DAPK1: variants seen among roughly 807,000 people sequenced by gnomAD.
The protein encoded by DAPK1 is death associated protein kinase 1.
Under a neutral mutation model 144.9 loss-of-function variants are expected in DAPK1, and 56 were observed. The observed-to-expected ratio is 0.39, with a 90% confidence interval of 0.31 to 0.48. The LOEUF is 0.48. DAPK1 is among the 20% of genes least tolerant of loss of function. The probability of loss-of-function intolerance (pLI) is 0.95; values close to 1 mark genes in which losing one functional copy is unlikely to be tolerated. For missense variants in DAPK1, 1,454 were observed against 1,875.4 expected, an observed-to-expected ratio of 0.78 and a Z score of 4.15; for synonymous variants, 690 against 749.0, an observed-to-expected ratio of 0.92 and a Z score of 1.29.
In DAPK1 at chr9:87,600,600, GA is replaced by G. The variant is rs536705692; in HGVS notation, c.63-4344del. Among the ~76,000 whole-genome samples, 587 of 147,842 alleles carry G rather than the reference GA, an allele frequency of 4.0e-3. 1 individual carries two copies. Among genetic ancestry groups the G allele is most frequent in the Non-Finnish European group, 6.0e-3 (399 of 66,660 alleles). ...AGAGCGAGACCCTGTCTCAAGAAAAGAAAAAAAAAATTACTAAGTAGGTGAA... is the reference window on the plus strand; with the variant it reads ...AGAGCGAGACCCTGTCTCAAGAAAAGAAAAAAAAATTACTAAGTAGGTGAA... On this transcript the variant is annotated intron_variant, in intron 2 of 25. Coordinates refer to ENST00000408954, the MANE Select transcript of DAPK1 (RefSeq NM_004938.4).
chr9:87,695,172 AC>A (rs2118005408), intron 21 of DAPK1, among the ~76,000 whole-genome samples: 1 of 152,168 alleles, frequency 6.6e-6, no homozygotes, highest in African/African-American at 2.4e-5. Context: ...CCACCTCAGG[AC>A]CCCACACTCC....
At chr9:87,643,244 C>T in intron 10 of DAPK1, 132 bp from the exon 11 acceptor site, 1 of 590,592 alleles carries the variant, frequency 1.7e-6, no homozygotes. Context: ...GTGCTGATAG[C>T]AATGAACACG....
intron 2 of DAPK1, among the ~76,000 whole-genome samples, chr9:87,569,715 G>A (rs1281213214): frequency 6.6e-6 from 1 of 151,992 alleles, no homozygotes; most frequent in Non-Finnish European, 1.5e-5. Context: ...GTTAAACCCA[G>A]GCTTTCCCTA....
At chr9:87,537,350 G>T (rs1018268793) in intron 2 of DAPK1, among the ~76,000 whole-genome samples, 3 of 152,152 alleles carry the variant, frequency 2.0e-5, no homozygotes, top group Non-Finnish European at 4.4e-5. Flanking sequence ...ATCACATAGT[G>T]TGTACGCAGT....
chr9:87,707,319 C>T lies in DAPK1; in HGVS notation c.4248C>T (p.Asn1416=). The T allele has an allele frequency of 6.2e-7, 1 of 1,612,336 alleles. No individual in the cohort carries two copies. Among genetic ancestry groups the T allele is most frequent in the Non-Finnish European group, 8.5e-7 (1 of 1,178,808 alleles). The stretch of plus-strand genomic sequence containing the variant: ...AGGAGGCCTATGCCTCGAGCTGCAA[C>T]AGCGGCACCTCTTACAATTCCATTA... The part of the protein sequence containing the change: ...NGQEAYASSC[N]SGTSYNSISS... Residue 1416 remains asparagine, a synonymous_variant, in exon 26 of 26, where the codon AAC becomes AAT. Coordinates refer to ENST00000408954, the MANE Select transcript of DAPK1 (RefSeq NM_004938.4). This position sits in a 1 kb window ranked among gnomAD's most constrained non-coding sequence, Gnocchi z 4.0.
intron 2 of DAPK1, among the ~76,000 whole-genome samples, chr9:87,551,132 A>G (rs766213889): frequency 6.7e-5 from 10 of 150,056 alleles, no homozygotes; most frequent in Non-Finnish European, 1.2e-4. Context: ...GGGCAACATC[A>G]TCACATCTAT....
intron 2 of DAPK1, among the ~76,000 whole-genome samples, chr9:87,574,464 G>A (rs1001990018): frequency 3.3e-5 from 5 of 152,324 alleles, no homozygotes; most frequent in Middle Eastern, 3.4e-3. Flanking sequence ...TATATCACAG[G>A]AAGTTTGCAG....
chr9:87,569,487 C>T (rs1228225881), intron 2 of DAPK1, among the ~76,000 whole-genome samples: 1 of 152,188 alleles, frequency 6.6e-6, no homozygotes, highest in Admixed American at 6.5e-5. Flanking sequence ...GCAATTAATA[C>T]ATATAAATAC....
chr9:87,533,501 A>G (rs571695555), intron 2 of DAPK1, among the ~76,000 whole-genome samples: 3 of 152,340 alleles, frequency 2.0e-5, no homozygotes, highest in African/African-American at 7.2e-5. Context: ...GCTAGCCACC[A>G]CTGGGGAGCA....
At chr9:87,653,260 C>G (rs888494170) in intron 17 of DAPK1, among the ~76,000 whole-genome samples, 2 of 150,174 alleles carry the variant, frequency 1.3e-5, no homozygotes, top group African/African-American at 4.9e-5. Context: ...TCCATCCCCC[C>G]AATCCTGGGT....
At position 87,662,560 on chromosome 9, in the gene DAPK1, GTTTT is replaced by G. The variant is rs71507734; in HGVS notation, c.1923+4455_1923+4458del. ...ACCTCCTTGGTTAAATATATTCCTA[GTTTT>G]TTTTTTTTTTTTTTTTTTTTTGGTA... On this transcript the variant is annotated intron_variant, in intron 18 of 25. Coordinates refer to ENST00000408954, the MANE Select transcript of DAPK1 (RefSeq NM_004938.4). Among the ~76,000 whole-genome samples the G allele has an allele frequency of 1.9e-3, 61 of 32,138 alleles. 1 individual carries two copies. The highest frequency in any genetic ancestry group is 0.014 in the East Asian group (15 of 1,080). 21.1% of individuals were successfully genotyped at this position (32,138 alleles called of 152,430 possible). A position where few individuals can be genotyped will look rare whatever the true frequency, so the allele number is the denominator to read the frequency against.
intron 2 of DAPK1, among the ~76,000 whole-genome samples, chr9:87,528,195 C>T (rs951114114): frequency 4.0e-5 from 6 of 150,402 alleles, no homozygotes; most frequent in African/African-American, 1.5e-4. Flanking sequence ...CTTATTGTTA[C>T]AGTGCGTTTT....
chr9:87,707,738 C>G lies in DAPK1; in HGVS notation c.*374C>G. On this transcript the variant is annotated 3_prime_UTR_variant, in exon 26 of 26. Coordinates refer to ENST00000408954, the MANE Select transcript of DAPK1 (RefSeq NM_004938.4). This position sits in a 1 kb window ranked among gnomAD's most constrained non-coding sequence, Gnocchi z 4.0. Reference sequence around the variant, plus strand: ...TTTTTTAACTACTATATTGATTGTCCTTTAAAAAAGAAAAGTGCATATTTA... The same window carrying G: ...TTTTTTAACTACTATATTGATTGTCGTTTAAAAAAGAAAAGTGCATATTTA... 2.3e-6 allele frequency: 1 copy of G among 434,110 alleles called. No homozygotes were observed. Among genetic ancestry groups the G allele is most frequent in the Non-Finnish European group, 4.4e-6 (1 of 226,176 alleles). 26.9% of individuals were successfully genotyped at this position (434,110 alleles called of 1,614,324 possible). A position where few individuals can be genotyped will look rare whatever the true frequency, so the allele number is the denominator to read the frequency against.
intron 3 of DAPK1, among the ~76,000 whole-genome samples, chr9:87,605,614 C>T (rs1473190617): frequency 2.6e-5 from 4 of 151,798 alleles, no homozygotes; most frequent in African/African-American, 9.7e-5. Flanking sequence ...CTTAAATGCA[C>T]GAACCCCATT....
chr9:87,515,214 A>G (rs1825004069), intron 2 of DAPK1, among the ~76,000 whole-genome samples: 1 of 152,166 alleles, frequency 6.6e-6, no homozygotes, highest in African/African-American at 2.4e-5. Context: ...CGTGGGCCAC[A>G]TGGTTTCTGT....
chr9:87,498,893 C>G, intron 1 of DAPK1, 77 bp from the exon 2 acceptor site: 1 of 541,978 alleles, frequency 1.8e-6, no homozygotes, highest in Non-Finnish European at 3.4e-6. Flanking sequence ...CGAGCGGGGT[C>G]TTAGCGCCGG....
At chr9:87,687,699 C>T (rs73483594) in intron 21 of DAPK1, among the ~76,000 whole-genome samples, 1,767 of 152,186 alleles carry the variant, frequency 0.012, 14 homozygotes, top group South Asian at 0.023. Context: ...AATTTTTAGT[C>T]TTTTTGAGAA....
At chr9:87,538,647 C>CT in intron 2 of DAPK1, among the ~76,000 whole-genome samples, 1 of 152,306 alleles carries the variant, frequency 6.6e-6, no homozygotes, top group Non-Finnish European at 1.5e-5. Context: ...ATGGGAATGA[C>CT]TTTCTGCCCA....
At chr9:87,618,394 G>C (rs190772707) in intron 3 of DAPK1, among the ~76,000 whole-genome samples, 1 of 152,186 alleles carries the variant, frequency 6.6e-6, no homozygotes, top group Non-Finnish European at 1.5e-5. Context: ...AATGTTAAAC[G>C]TAGTTTTCAT....
Sources: gnomAD v4.1 joint callset for allele counts (sites outside exome capture counted in the v4.1 genomes callset) on GRCh38, gnomAD v4.1.1 for gene constraint, Gnocchi (gnomAD v3.1) non-coding constraint, MANE v1.5 for transcripts, NCBI Gene and HGNC (gene_info 2026-07-23, HGNC 2026-07-21) for gene names.